DRC1: variants seen among roughly 807,000 people sequenced by gnomAD.
The protein encoded by DRC1 is dynein regulatory complex subunit 1, also known as dynein regulatory complex protein 1.
In DRC1, 74 loss-of-function variants were observed where a neutral mutation model predicts 98.7. The ratio of observed to expected loss-of-function variants is 0.75; its 90% CI spans 0.62 to 0.91. The LOEUF is 0.91. Among genes scored for constraint, DRC1 ranks in the 40% least tolerant of loss-of-function variants. DRC1 has a pLI of 0.00. For synonymous variants in DRC1, 336 were observed against 334.1 expected, an observed-to-expected ratio of 1.01 and a Z score of -0.06; for missense variants, 875 against 886.0, an observed-to-expected ratio of 0.99 and a Z score of 0.16.
At chr2:26,418,600 AT>A (rs1678909688) in intron 2 of DRC1, among the ~76,000 whole-genome samples, 1 of 99,596 alleles carries the variant, frequency 1.0e-5, no homozygotes, top group African/African-American at 4.8e-5. Context: ...TATAATTTAT[AT>A]AATATATAAA....
At chr2:26,406,055 A>G (rs1340595135) in intron 1 of DRC1, among the ~76,000 whole-genome samples, 1 of 152,224 alleles carries the variant, frequency 6.6e-6, no homozygotes, top group Non-Finnish European at 1.5e-5. Context: ...AAATGCATGC[A>G]GCTGAGTCTG....
intron 7 of DRC1, among the ~76,000 whole-genome samples, chr2:26,437,837 C>T (rs1663611782): frequency 6.6e-6 from 1 of 151,480 alleles, no homozygotes; most frequent in African/African-American, 2.4e-5. Flanking sequence ...GCCTGTAATC[C>T]CAGCACTTTG....
rs1330283511 is a variant in DRC1, at chr2:26,454,713, G to A, written c.1986G>A (p.Trp662Ter). Residue 662 changes from tryptophan (W) to a stop codon, truncating the protein, a stop_gained, in exon 15 of 17, where the codon TGG becomes TGA. Transcript: ENST00000288710. LOFTEE classifies it high-confidence loss of function. This position sits in a 1 kb window ranked among gnomAD's most constrained non-coding sequence, Gnocchi z 5.2. ...ACAACTCCAAGGACTCGGAGTACTG[G>A]CAGGCCCTGACCACAGTGATCCCTT... ...VRDNSKDSEY[W>*]QALTTVIPSS... The A allele has an allele frequency of 1.2e-6, 2 of 1,614,156 alleles. No homozygotes were observed. Among genetic ancestry groups the A allele is most frequent in the South Asian group, 2.2e-5 (2 of 91,074 alleles).
intron 10 of DRC1, among the ~76,000 whole-genome samples, chr2:26,447,277 G>A (rs1329243457): frequency 7.0e-6 from 1 of 142,828 alleles, no homozygotes; most frequent in African/African-American, 2.6e-5. Context: ...GCCGGGCATG[G>A]TGGCGCGCGG....
At chr2:26,418,645 A>T (rs57292656) in intron 2 of DRC1, among the ~76,000 whole-genome samples, 5,162 of 90,802 alleles carry the variant, frequency 0.057, 266 homozygotes, top group African/African-American at 0.14. Context: ...TAATTTATAT[A>T]ATATATAAAT....
chr2:26,450,705 A>G (rs775989005), intron 13 of DRC1, 24 bp downstream of exon 13: 6 of 1,512,838 alleles, frequency 4.0e-6, no homozygotes, highest in Non-Finnish European at 5.3e-6. Flanking sequence ...CAGAGAGAAG[A>G]AAGCATTTTC....
chr2:26,410,798 G>A (rs1417375337), intron 1 of DRC1, among the ~76,000 whole-genome samples: 4 of 151,664 alleles, frequency 2.6e-5, no homozygotes, highest in African/African-American at 7.3e-5. Flanking sequence ...AAGGGCCTAC[G>A]AGCTTCCAGA....
At chr2:26,425,650 T>C (rs2147988215) in intron 4 of DRC1, among the ~76,000 whole-genome samples, 1 of 152,330 alleles carries the variant, frequency 6.6e-6, no homozygotes, top group South Asian at 2.1e-4. Flanking sequence ...TGGTTTGGAT[T>C]TGCATTTCCG....
chr2:26,436,190 G>A (rs771350779), intron 7 of DRC1, among the ~76,000 whole-genome samples: 2 of 151,386 alleles, frequency 1.3e-5, no homozygotes, highest in African/African-American at 4.9e-5. Context: ...ATCTCATCGT[G>A]GTTTTGATTA....
rs1385776311 is a variant in DRC1, at chr2:26,453,307, C to A, written c.1690-13C>A. On this transcript the variant is annotated splice_polypyrimidine_tract_variant and intron_variant, in intron 13 of 16. Transcript: ENST00000288710. ...TGTCCCCAGCCCACAGTTGTCCGTG[C>A]ATCTTTCTCCAGATCAAGCCCTGCA... 6.2e-7 allele frequency: 1 copy of A among 1,613,846 alleles called. No individual in the cohort carries two copies. Among genetic ancestry groups the A allele is most frequent in the East Asian group, 2.2e-5 (1 of 44,898 alleles).
chr2:26,424,558 C>T, intron 4 of DRC1, 104 bp downstream of exon 4: 1 of 1,191,308 alleles, frequency 8.4e-7, no homozygotes, highest in Non-Finnish European at 1.2e-6. Flanking sequence ...AAACCTTTTA[C>T]TTCATTATTT....
At chr2:26,433,882 A>T (rs1016876166) in intron 7 of DRC1, among the ~76,000 whole-genome samples, 2 of 152,280 alleles carry the variant, frequency 1.3e-5, no homozygotes, top group African/African-American at 2.4e-5. Context: ...CCTGTGTCAG[A>T]TGGAAACCGA....
intron 7 of DRC1, among the ~76,000 whole-genome samples, chr2:26,433,839 A>G (rs979286828): frequency 4.6e-5 from 7 of 152,122 alleles, no homozygotes; most frequent in Admixed American, 4.6e-4. Context: ...TCAGGCAGAA[A>G]GGGGTCACAG....
intron 1 of DRC1, among the ~76,000 whole-genome samples, chr2:26,407,830 C>A (rs1412373911): frequency 6.6e-6 from 1 of 152,146 alleles, no homozygotes; most frequent in Non-Finnish European, 1.5e-5. Flanking sequence ...AATTGTAGTA[C>A]ATTTAAATGT....
chr2:26,410,489 C>T (rs1288054368), intron 1 of DRC1, among the ~76,000 whole-genome samples: 1 of 152,080 alleles, frequency 6.6e-6, no homozygotes, highest in African/African-American at 2.4e-5. Context: ...CCAGGCTGGT[C>T]TCGAACTCTT....
chr2:26,405,841 G>A (rs944696544), intron 1 of DRC1, among the ~76,000 whole-genome samples: 5 of 151,756 alleles, frequency 3.3e-5, no homozygotes, highest in Admixed American at 2.6e-4. Flanking sequence ...TTTATTTTTA[G>A]GAGAGACGGG....
intron 10 of DRC1, 118 bp from the exon 11 acceptor site, chr2:26,448,573 G>A (rs1166639181): frequency 1.9e-6 from 2 of 1,044,670 alleles, no homozygotes; most frequent in Non-Finnish European, 2.9e-6. Context: ...ATGCCTCACA[G>A]AGGCTTTTTA....
At chr2:26,421,191 GAT>G in intron 2 of DRC1, 95 bp from the exon 3 acceptor site, 6 of 1,051,886 alleles carry the variant, frequency 5.7e-6, no homozygotes, top group Non-Finnish European at 8.2e-6. Flanking sequence ...TGCTTGAATG[GAT>G]AGAAGCTGCG....
chr2:26,417,322 C>A (rs572980928), intron 2 of DRC1, among the ~76,000 whole-genome samples: 9 of 151,334 alleles, frequency 5.9e-5, no homozygotes, highest in African/African-American at 2.2e-4. Flanking sequence ...GGCTACTTGG[C>A]TATTCTTTTT....
Sources: allele counts gnomAD v4.1 joint callset (sites outside exome capture counted in the v4.1 genomes callset), GRCh38; gene constraint gnomAD v4.1.1; non-coding constraint Gnocchi (gnomAD v3.1); transcripts MANE v1.5; gene names NCBI Gene and HGNC (gene_info 2026-07-23, HGNC 2026-07-21).